The following NBAS variants were observed in gnomAD, a reference collection of about 807,000 sequenced individuals.
NBAS encodes NBAS subunit of NRZ tethering complex, also known as NAG/BC035112 fusion.
NBAS carries 219 observed loss-of-function variants against 302.5 expected under a neutral mutation model. That is an observed-to-expected ratio of 0.72 (90% CI 0.65 to 0.81). The LOEUF (loss-of-function observed/expected upper bound fraction) is 0.81. Ranked by LOEUF, NBAS falls within the 30% of genes least tolerant of loss-of-function variation. NBAS has a pLI of 0.00. For synonymous variants in NBAS, 1,118 were observed against 1,021.6 expected (o/e 1.09, Z -1.80); for missense variants, 2,932 against 2,841.6 (o/e 1.03, Z -0.72).
rs1670356155 is a variant in NBAS at position 15,292,592 on chromosome 2, G to A, written c.4972C>T (p.Gln1658Ter). The part of the protein sequence containing the change: ...LQGLRKGVDV[Q>*]RFTADDQYKR... ...TACTGGTCATCTGCAGTAAACCGCTGCACGTCCACACCCTTCCGAAGGCCC... is the reference window on the plus strand; with the variant it reads ...TACTGGTCATCTGCAGTAAACCGCTACACGTCCACACCCTTCCGAAGGCCC... The change falls in exon 41 of 52, where the codon CAG (glutamine) becomes TAG (stop). Residue 1658 changes from glutamine (Q) to a stop codon, truncating the protein, a stop_gained. Transcript: ENST00000281513. LOFTEE classifies it high-confidence loss of function. 1.9e-6 allele frequency: 3 copies of A among 1,614,068 alleles called. No individual in the cohort carries two copies. The highest frequency in any genetic ancestry group is 1.7e-6 in the Non-Finnish European group (2 of 1,180,046).
intron 9 of NBAS, among the ~76,000 whole-genome samples, chr2:15,533,130 C>T (rs935345369): frequency 1.3e-5 from 2 of 152,040 alleles, no homozygotes; most frequent in Admixed American, 1.3e-4. Flanking sequence ...AGAGCACTAA[C>T]GAGAATGTGA....
chr2:14,862,277 C>G, the NBAS span, among the ~76,000 whole-genome samples: 1 of 151,870 alleles, frequency 6.6e-6, no homozygotes, highest in South Asian at 2.1e-4. Context: ...TACCAACACA[C>G]CTGGCTAATT....
chr2:14,917,380 C>A, the NBAS span, among the ~76,000 whole-genome samples: 1 of 152,190 alleles, frequency 6.6e-6, no homozygotes, highest in Non-Finnish European at 1.5e-5. Context: ...CCAGGTAGGC[C>A]TCATCAACAT....
the NBAS span, among the ~76,000 whole-genome samples, chr2:14,938,061 G>A: frequency 6.6e-6 from 1 of 152,122 alleles, no homozygotes; most frequent in Non-Finnish European, 1.5e-5. Context: ...CTGGGAGGTG[G>A]AGGTTGCAGT....
chr2:14,908,245 C>T, the NBAS span, among the ~76,000 whole-genome samples: 1 of 152,302 alleles, frequency 6.6e-6, no homozygotes, highest in Admixed American at 6.5e-5. Context: ...CATCTGTAGT[C>T]CCAGCTACTT....
chr2:14,855,713 G>A, the NBAS span, among the ~76,000 whole-genome samples: 2 of 152,124 alleles, frequency 1.3e-5, no homozygotes, highest in East Asian at 3.9e-4. Context: ...GAGTGGGAAG[G>A]ACAGCCTTGT....
At chr2:14,997,828 T>C in the NBAS span, among the ~76,000 whole-genome samples, 2 of 152,260 alleles carry the variant, frequency 1.3e-5, no homozygotes, top group African/African-American at 2.4e-5. Flanking sequence ...ATAAGTTTGA[T>C]TTTGGTCTTG....
At chr2:14,960,219 A>G in the NBAS span, among the ~76,000 whole-genome samples, 1 of 152,206 alleles carries the variant, frequency 6.6e-6, no homozygotes, top group Non-Finnish European at 1.5e-5. Flanking sequence ...GTGCCTTCAC[A>G]GTGCTCTGTG....
At chr2:15,445,517 A>T (rs1182383637) in intron 21 of NBAS, among the ~76,000 whole-genome samples, 3 of 69,714 alleles carry the variant, frequency 4.3e-5, no homozygotes, top group African/African-American at 1.8e-4. Context: ...GGGTGGGGGG[A>T]GGGGGGAGGG....
chr2:15,309,225 T>C lies in NBAS; in HGVS notation c.4605A>G (p.Glu1535=), dbSNP rs1284729283. 8.1e-6 allele frequency: 13 copies of C among 1,612,224 alleles called. No individual in the cohort carries two copies. Among genetic ancestry groups the C allele is most frequent in the Non-Finnish European group, 1.1e-5 (13 of 1,178,806 alleles). Residue 1535 remains glutamate (E), a synonymous_variant, in exon 39 of 52, where the codon GAA becomes GAG. Coordinates refer to ENST00000281513, the MANE Select transcript of NBAS (RefSeq NM_015909.4). ...TTEVLLQLAS[E]ALPNDMTLAL... is the part of the protein sequence containing the mutation. ...CCAAGGTCATGTCATTTGGCAAGGC[T>C]TCACTTGCTAGTTGCAAGAGAACTG...
chr2:14,783,448 C>T, the NBAS span, among the ~76,000 whole-genome samples: 1 of 147,436 alleles, frequency 6.8e-6, no homozygotes, highest in Non-Finnish European at 1.5e-5. Context: ...TTAGGTATAT[C>T]TCCTAATGCT....
chr2:14,909,473 G>GAGGT, the NBAS span, among the ~76,000 whole-genome samples: 6 of 151,278 alleles, frequency 4.0e-5, no homozygotes, highest in Non-Finnish European at 8.8e-5. Context: ...AATGGTGGAG[G>GAGGT]AGGTGCCAGA....
At chr2:14,911,232 G>C in the NBAS span, among the ~76,000 whole-genome samples, 2 of 152,216 alleles carry the variant, frequency 1.3e-5, no homozygotes, top group Non-Finnish European at 2.9e-5. Flanking sequence ...TGAAGGAGCT[G>C]CGAAAAAGTG....
chr2:15,236,649 G>A (rs978138022), intron 45 of NBAS, among the ~76,000 whole-genome samples: 87 of 148,636 alleles, frequency 5.9e-4, no homozygotes, highest in Admixed American at 1.9e-3. Context: ...TTTTAGATGT[G>A]TTTATTTAAA....
the NBAS span, among the ~76,000 whole-genome samples, chr2:14,875,460 C>CA: frequency 6.6e-6 from 1 of 151,928 alleles, no homozygotes; most frequent in Non-Finnish European, 1.5e-5. Flanking sequence ...ACTACAAATA[C>CA]AAAAAATTAG....
the NBAS span, among the ~76,000 whole-genome samples, chr2:14,845,619 T>G: frequency 6.6e-6 from 1 of 152,132 alleles, no homozygotes; most frequent in Non-Finnish European, 1.5e-5. Flanking sequence ...GACAGAAAAT[T>G]TAAAATAGCT....
the NBAS span, among the ~76,000 whole-genome samples, chr2:15,081,580 T>C: frequency 2.0e-5 from 3 of 152,236 alleles, no homozygotes; most frequent in Non-Finnish European, 4.4e-5. Flanking sequence ...AAGAATACCA[T>C]TCTGGAAAGA....
At chr2:15,434,403 A>T (rs1677910253) in intron 21 of NBAS, among the ~76,000 whole-genome samples, 1 of 152,192 alleles carries the variant, frequency 6.6e-6, no homozygotes, top group African/African-American at 2.4e-5. Flanking sequence ...GGTCCTCAGA[A>T]CAATGAAGGA....
chr2:14,974,664 G>C, the NBAS span, among the ~76,000 whole-genome samples: 4 of 152,206 alleles, frequency 2.6e-5, no homozygotes, highest in Non-Finnish European at 5.9e-5. Context: ...TTCTATGCTT[G>C]AGAAGACTGG....
Sources: allele counts gnomAD v4.1 joint callset (sites outside exome capture counted in the v4.1 genomes callset), GRCh38; gene constraint gnomAD v4.1.1; transcripts MANE v1.5; gene names NCBI Gene and HGNC (gene_info 2026-07-23, HGNC 2026-07-21).